Variants in GALNTL6 observed in about 807,000 individuals in gnomAD.
GALNTL6 encodes the protein polypeptide N-acetylgalactosaminyltransferase-like 6.
Under a neutral mutation model 73.7 loss-of-function variants are expected in GALNTL6, and 46 were observed. That is an observed-to-expected ratio of 0.62 (90% CI 0.49 to 0.80). The LOEUF is 0.80. Ranked by LOEUF, GALNTL6 falls within the 30% of genes least tolerant of loss-of-function variation. GALNTL6 has a pLI of 0.00. For missense variants in GALNTL6, 604 were observed against 755.0 expected (o/e 0.80, Z 2.34); for synonymous variants, 259 against 263.7 (o/e 0.98, Z 0.17).
chr4:172,260,151 C>T (rs997183864), intron 3 of GALNTL6, among the ~76,000 whole-genome samples: 37 of 151,328 alleles, frequency 2.4e-4, no homozygotes, highest in African/African-American at 8.2e-4. Context: ...GGTACTTTGA[C>T]GAGAATTGCA....
rs574446742 is a variant in GALNTL6, at chr4:172,591,704, G to A, written c.554-217657G>A. ...TGTTTGGCTTATGGGAACTGATGCCGCTTCTGTCTTGTGACTCCATCATCT... is the reference window on the plus strand; with the variant it reads ...TGTTTGGCTTATGGGAACTGATGCCACTTCTGTCTTGTGACTCCATCATCT... On this transcript the variant is annotated intron_variant, in intron 5 of 12. Coordinates refer to ENST00000506823, the MANE Select transcript of GALNTL6 (RefSeq NM_001034845.3). 1.6e-4 allele frequency among the ~76,000 whole-genome samples: 25 copies of A among 152,266 alleles called. No homozygotes were observed. The East Asian group carries it at 2.5e-3, about 15-fold the overall frequency.
chr4:172,736,902 A>C (rs1736501737), intron 5 of GALNTL6, among the ~76,000 whole-genome samples: 1 of 152,170 alleles, frequency 6.6e-6, no homozygotes, highest in African/African-American at 2.4e-5. Flanking sequence ...TATAAAGGAC[A>C]ATTCCCCTGC....
intron 2 of GALNTL6, among the ~76,000 whole-genome samples, chr4:172,107,427 C>T (rs1255906874): frequency 6.6e-6 from 1 of 151,880 alleles, no homozygotes; most frequent in Non-Finnish European, 1.5e-5. Flanking sequence ...GACATCTATT[C>T]TGCTTGTATC....
At chr4:171,841,086 G>A (rs1256764492) in intron 2 of GALNTL6, among the ~76,000 whole-genome samples, 1 of 152,118 alleles carries the variant, frequency 6.6e-6, no homozygotes, top group Non-Finnish European at 1.5e-5. Flanking sequence ...CCTTTTAGAA[G>A]ATTCTTTCCC....
chr4:171,854,699 G>C (rs970294580), intron 2 of GALNTL6, among the ~76,000 whole-genome samples: 3 of 152,222 alleles, frequency 2.0e-5, no homozygotes, highest in Non-Finnish European at 4.4e-5. Context: ...ACTGGTGAAG[G>C]CTGGCTTCCT....
intron 3 of GALNTL6, among the ~76,000 whole-genome samples, chr4:172,273,818 T>G (rs1407537782): frequency 6.6e-6 from 1 of 152,188 alleles, no homozygotes; most frequent in South Asian, 2.1e-4. Context: ...TTTAAGCAGC[T>G]TGAGCTTCTC....
chr4:172,064,777 A>G (rs1731309037), intron 2 of GALNTL6, among the ~76,000 whole-genome samples: 1 of 152,192 alleles, frequency 6.6e-6, no homozygotes, highest in South Asian at 2.1e-4. Context: ...AATCCTGGAC[A>G]AAATAACAAA....
Position 172,809,517 on chromosome 4 carries a change from T to A in GALNTL6, c.710T>A (p.Val237Asp), listed in dbSNP as rs778309701. 1 of 1,613,176 alleles carries A rather than the reference T, an allele frequency of 6.2e-7. No individual in the cohort carries two copies. The highest frequency in any genetic ancestry group is 8.5e-7 in the Non-Finnish European group (1 of 1,179,664). ...VLTFLDSHCE[V>D]NVNWLPPLLN... ...ACATTCCTGGACTCCCACTGCGAGG[T>A]CAATGTGAACTGGCTGCCCCCACTC... The change falls in exon 6 of 13, where the codon GTC becomes GAC. Residue 237 changes from valine (V) to aspartate (D), a missense_variant. By Grantham distance (152) the Val-to-Asp change is radical. Coordinates refer to ENST00000506823, the MANE Select transcript of GALNTL6 (RefSeq NM_001034845.3). The surrounding 1 kb of genome is among the most constrained non-coding windows in gnomAD (Gnocchi z 4.4).
At chr4:172,474,810 T>TA (rs939319208) in intron 5 of GALNTL6, among the ~76,000 whole-genome samples, 1 of 152,198 alleles carries the variant, frequency 6.6e-6, no homozygotes, top group Non-Finnish European at 1.5e-5. Flanking sequence ...TGTGATCCAG[T>TA]AAAAAATAAA....
intron 5 of GALNTL6, among the ~76,000 whole-genome samples, chr4:172,434,080 C>T (rs335969): frequency 0.86 from 131,044 of 152,042 alleles, 56,550 homozygotes; most frequent in South Asian, 0.89. Context: ...AATACATTAT[C>T]GTTTGTAATA....
intron 5 of GALNTL6, among the ~76,000 whole-genome samples, chr4:172,561,361 G>C (rs571286735): frequency 2.6e-4 from 39 of 151,160 alleles, no homozygotes; most frequent in Non-Finnish European, 4.9e-4. Flanking sequence ...CTAAGTCTGC[G>C]CTCCTAATCC....
intron 9 of GALNTL6, among the ~76,000 whole-genome samples, chr4:172,945,391 T>C (rs1183745022): frequency 6.6e-6 from 1 of 152,208 alleles, no homozygotes; most frequent in Non-Finnish European, 1.5e-5. Flanking sequence ...TATACATATG[T>C]CAACATATAC....
chr4:171,870,750 G>A (rs1736113620), intron 2 of GALNTL6, among the ~76,000 whole-genome samples: 1 of 152,264 alleles, frequency 6.6e-6, no homozygotes, highest in Non-Finnish European at 1.5e-5. Flanking sequence ...GAAATTTGCA[G>A]ACAGACACAT....
At chr4:171,928,708 A>G (rs752694374) in intron 2 of GALNTL6, among the ~76,000 whole-genome samples, 1 of 152,204 alleles carries the variant, frequency 6.6e-6, no homozygotes, top group South Asian at 2.1e-4. Context: ...TTCTATGTTT[A>G]GATAGGTTTA....
At chr4:173,039,316 CA>C (rs901563250) in intron 12 of GALNTL6, among the ~76,000 whole-genome samples, 8 of 152,294 alleles carry the variant, frequency 5.3e-5, no homozygotes, top group Non-Finnish European at 1.2e-4. Context: ...TGAATTTGTA[CA>C]TTCAGCTATT....
chr4:172,786,759 A>T (rs1225950768), intron 5 of GALNTL6, among the ~76,000 whole-genome samples: 1 of 152,186 alleles, frequency 6.6e-6, no homozygotes, highest in Non-Finnish European at 1.5e-5. Context: ...TATGGAGAAG[A>T]TGTAAAAGGG....
At chr4:172,854,110 A>T (rs1201623377) in intron 7 of GALNTL6, among the ~76,000 whole-genome samples, 1 of 152,070 alleles carries the variant, frequency 6.6e-6, no homozygotes, top group Non-Finnish European at 1.5e-5. Flanking sequence ...TACCACATGC[A>T]TTCACTCCCA....
intron 5 of GALNTL6, among the ~76,000 whole-genome samples, chr4:172,662,624 C>A (rs901186145): frequency 3.3e-5 from 5 of 152,138 alleles, no homozygotes; most frequent in Non-Finnish European, 5.9e-5. Context: ...TTTGCTCCTG[C>A]CTAATTGGTA....
At chr4:172,045,284 G>T (rs941840954) in intron 2 of GALNTL6, among the ~76,000 whole-genome samples, 1 of 151,938 alleles carries the variant, frequency 6.6e-6, no homozygotes, top group Admixed American at 6.6e-5. Context: ...GAGCAGGTGG[G>T]TCTGAATTCT....
Sources: allele counts gnomAD v4.1 joint callset (sites outside exome capture counted in the v4.1 genomes callset), GRCh38; gene constraint gnomAD v4.1.1; non-coding constraint Gnocchi (gnomAD v3.1); transcripts MANE v1.5; gene names NCBI Gene and HGNC (gene_info 2026-07-23, HGNC 2026-07-21).